Variants in AK5 observed in about 807,000 individuals in gnomAD.
AK5 encodes adenylate kinase 5.
Under a neutral mutation model 69.5 loss-of-function variants are expected in AK5, and 27 were observed. That is an observed-to-expected ratio of 0.39 (90% confidence interval 0.29 to 0.54). AK5 has a LOEUF of 0.54. Among genes scored for constraint, AK5 ranks in the 20% least tolerant of loss-of-function variants. AK5 has a pLI of 0.71. For missense variants in AK5, 531 were observed against 700.4 expected (o/e 0.76, Z 2.73); for synonymous variants, 260 against 244.4 (o/e 1.06, Z -0.60).
At position 77,336,487 on chromosome 1, in the gene AK5, T is replaced by C. The variant is rs115044831; in HGVS notation, c.700-3890T>C. ...AACTTCATCCCCTCATTTTTAAACT[T>C]TTTTGTTGTTTTTATTTATATCTTA... On this transcript the variant is annotated intron_variant, in intron 5 of 13. Transcript: ENST00000354567. Among the ~76,000 whole-genome samples, 884 of 152,274 alleles carry C rather than the reference T, an allele frequency of 5.8e-3. 12 individuals carry two copies. The highest frequency in any genetic ancestry group is 0.02 in the African/African-American group (845 of 41,550).
chr1:77,402,952 C>G (rs986720067), intron 6 of AK5, among the ~76,000 whole-genome samples: 3 of 152,070 alleles, frequency 2.0e-5, no homozygotes, highest in Non-Finnish European at 4.4e-5. Context: ...TCCTCTCCAG[C>G]ACCTGTTGTT....
intron 5 of AK5, among the ~76,000 whole-genome samples, chr1:77,306,500 T>G (rs536358238): frequency 0.057 from 8,536 of 149,746 alleles, 316 homozygotes; most frequent in Non-Finnish European, 0.072. Flanking sequence ...TTTTGTTTTT[T>G]TTTTTTTTTT....
At chr1:77,502,887 C>A (rs1171920475) in intron 10 of AK5, among the ~76,000 whole-genome samples, 1 of 152,206 alleles carries the variant, frequency 6.6e-6, no homozygotes, top group Non-Finnish European at 1.5e-5. Flanking sequence ...AGGAATGCCA[C>A]CCCCTCTCAC....
chr1:77,312,131 C>T (rs936740498), intron 5 of AK5, among the ~76,000 whole-genome samples: 4 of 152,152 alleles, frequency 2.6e-5, no homozygotes, highest in Non-Finnish European at 5.9e-5. Context: ...GTGCCAGGCA[C>T]CTAGCTGTGG....
intron 1 of AK5, chr1:77,283,183 G>A (rs1658160890): frequency 2.1e-5 from 21 of 985,390 alleles, no homozygotes; most frequent in Non-Finnish European, 2.5e-5. Flanking sequence ...AATGAACCTT[G>A]GTCTGTTCTA....
intron 8 of AK5, among the ~76,000 whole-genome samples, chr1:77,442,721 C>A (rs944237315): frequency 1.3e-5 from 2 of 152,048 alleles, no homozygotes; most frequent in African/African-American, 2.4e-5. Context: ...AGGGGACAAG[C>A]GCTAAGGACT....
At chr1:77,283,415 T>C in intron 1 of AK5, 1 of 984,738 alleles carries the variant, frequency 1.0e-6, no homozygotes, top group Non-Finnish European at 1.2e-6. Context: ...TATCGTAAAC[T>C]AAAGGTCATG....
chr1:77,355,084 G>A (rs1662423591), intron 6 of AK5, among the ~76,000 whole-genome samples: 1 of 152,126 alleles, frequency 6.6e-6, no homozygotes, highest in Non-Finnish European at 1.5e-5. Context: ...CATGACAAAT[G>A]AATTCTAGCA....
At chr1:77,338,314 A>G (rs982361915) in intron 5 of AK5, among the ~76,000 whole-genome samples, 9 of 152,354 alleles carry the variant, frequency 5.9e-5, no homozygotes, top group Non-Finnish European at 1.2e-4. Flanking sequence ...GATAACTTGG[A>G]TAGATAGAAG....
At chr1:77,321,247 G>A (rs1278915956) in intron 5 of AK5, among the ~76,000 whole-genome samples, 1 of 152,078 alleles carries the variant, frequency 6.6e-6, no homozygotes, top group African/African-American at 2.4e-5. Flanking sequence ...TGAGGTGGGC[G>A]GATCACCTGA....
At chr1:77,442,108 G>A (rs1057002832) in intron 8 of AK5, among the ~76,000 whole-genome samples, 2 of 152,280 alleles carry the variant, frequency 1.3e-5, no homozygotes, top group Middle Eastern at 3.4e-3. Flanking sequence ...GTGGCAACTC[G>A]GGTCCCTAGA....
chr1:77,525,488 G>A (rs1658222999), intron 12 of AK5, among the ~76,000 whole-genome samples: 1 of 152,214 alleles, frequency 6.6e-6, no homozygotes, highest in Non-Finnish European at 1.5e-5. Flanking sequence ...CACAGCGGAA[G>A]GTGAGGGAGA....
intron 8 of AK5, among the ~76,000 whole-genome samples, chr1:77,478,582 A>G (rs1655081107): frequency 6.6e-6 from 1 of 152,118 alleles, no homozygotes; most frequent in Non-Finnish European, 1.5e-5. Context: ...AAATTGCCCA[A>G]TCTCAGGTAT....
chr1:77,283,425 G>A, intron 1 of AK5: 1 of 983,816 alleles, frequency 1.0e-6, no homozygotes, highest in East Asian at 1.2e-4. Flanking sequence ...TAAAGGTCAT[G>A]AGGGTTTTTC....
intron 6 of AK5, among the ~76,000 whole-genome samples, chr1:77,356,719 T>C (rs777710334): frequency 4.8e-4 from 73 of 152,180 alleles, no homozygotes; most frequent in Non-Finnish European, 7.2e-4. Flanking sequence ...TTGGCCTTGG[T>C]ACTGTCCAGA....
chr1:77,297,123 TA>T (rs1659052689), intron 3 of AK5, among the ~76,000 whole-genome samples: 1 of 152,328 alleles, frequency 6.6e-6, no homozygotes, highest in Admixed American at 6.5e-5. Flanking sequence ...TGTCTAAAAA[TA>T]ATGGTTACGT....
intron 1 of AK5, chr1:77,283,069 G>C: frequency 1.0e-6 from 1 of 985,630 alleles, no homozygotes; most frequent in Non-Finnish European, 1.2e-6. Flanking sequence ...CTGCGAGGGG[G>C]GCGGACTCCT....
intron 6 of AK5, among the ~76,000 whole-genome samples, chr1:77,402,485 C>A (rs866204796): frequency 6.9e-6 from 1 of 145,392 alleles, no homozygotes; most frequent in Non-Finnish European, 1.5e-5. Context: ...GTGATGTTCC[C>A]CTTCCTGTGT....
chr1:77,497,821 A>G (rs764173610), intron 10 of AK5, among the ~76,000 whole-genome samples: 2 of 152,166 alleles, frequency 1.3e-5, no homozygotes, highest in Non-Finnish European at 2.9e-5. Flanking sequence ...GGCTCAAGCC[A>G]TCCACCTGCC....
Sources: gnomAD v4.1 joint callset for allele counts (sites outside exome capture counted in the v4.1 genomes callset) on GRCh38, gnomAD v4.1.1 for gene constraint, MANE v1.5 for transcripts, NCBI Gene and HGNC (gene_info 2026-07-23, HGNC 2026-07-21) for gene names.